The following NEO1 variants were observed in gnomAD, a reference collection of about 807,000 sequenced individuals.
NEO1 encodes neogenin 1, also known as neogenin.
NEO1 carries 63 observed loss-of-function variants against 159.7 expected under a neutral mutation model. The ratio of observed to expected loss-of-function variants is 0.39; its 90% CI spans 0.32 to 0.49. NEO1 has a LOEUF of 0.49. Ranked by LOEUF, NEO1 falls within the 20% of genes least tolerant of loss-of-function variation. The pLI, the probability that NEO1 is intolerant of heterozygous loss-of-function variation, is 0.85. For missense variants in NEO1, 1,615 were observed against 1,831.0 expected, an observed-to-expected ratio of 0.88 and a Z score of 2.15; for synonymous variants, 633 against 662.0, an observed-to-expected ratio of 0.96 and a Z score of 0.67.
chr15:73,227,505 A>G (rs558347015), intron 7 of NEO1, among the ~76,000 whole-genome samples: 8 of 152,106 alleles, frequency 5.3e-5, no homozygotes, highest in Non-Finnish European at 7.4e-5. Context: ...CAAACAAACA[A>G]AAAAGCCAGA....
intron 21 of NEO1, among the ~76,000 whole-genome samples, chr15:73,277,168 C>A (rs1465463667): frequency 1.3e-5 from 2 of 152,180 alleles, no homozygotes; most frequent in Non-Finnish European, 2.9e-5. Context: ...GTCTATTAAA[C>A]AATGTGCTAT....
intron 26 of NEO1, among the ~76,000 whole-genome samples, chr15:73,296,129 C>T (rs1258856015): frequency 3.3e-5 from 5 of 152,166 alleles, no homozygotes; most frequent in Admixed American, 6.5e-5. Context: ...TCACCTTTTG[C>T]GCCATCTCTT....
At chr15:73,157,153 T>G (rs2033842606) in intron 5 of NEO1, among the ~76,000 whole-genome samples, 1 of 152,148 alleles carries the variant, frequency 6.6e-6, no homozygotes, top group Non-Finnish European at 1.5e-5. Flanking sequence ...ATCCCAAGCC[T>G]CCATGGCAGC....
intron 1 of NEO1, among the ~76,000 whole-genome samples, chr15:73,115,464 T>C (rs56753901): frequency 0.15 from 23,007 of 152,268 alleles, 2,740 homozygotes; most frequent in African/African-American, 0.33. Context: ...TTTCTTTTCC[T>C]CTGCCAGTGT....
Position 73,225,312 on chromosome 15 carries a change from C to G in NEO1, c.1292-11035C>G, listed in dbSNP as rs144405528. On this transcript the variant is annotated intron_variant, in intron 7 of 28. Transcript: ENST00000261908. ...CCGGGAGTTTGTACTTTCCAGAGAG[C>G]ATCAGCTGTGGTAGTATAGAGAGGA... Among the ~76,000 whole-genome samples, 1,435 of 152,172 alleles carry G rather than the reference C, an allele frequency of 9.4e-3. 29 individuals carry two copies. Among genetic ancestry groups the G allele is most frequent in the African/African-American group, 0.033 (1,365 of 41,494 alleles).
chr15:73,178,162 G>A (rs1416356692), intron 6 of NEO1, 145 bp from the exon 7 acceptor site: 1 of 731,762 alleles, frequency 1.4e-6, no homozygotes, highest in African/African-American at 1.8e-5. Context: ...ATGAAATTGA[G>A]TTAACAAGTA....
chr15:73,287,952 T>A (rs1037168839), intron 23 of NEO1, among the ~76,000 whole-genome samples: 2 of 152,242 alleles, frequency 1.3e-5, no homozygotes, highest in African/African-American at 4.8e-5. Flanking sequence ...TCCATTGTTA[T>A]GTTTCTACAT....
rs888843111 is a variant in NEO1 at position 73,288,357 on chromosome 15, A to G, written c.3455A>G (p.Lys1152Arg). 6.2e-7 allele frequency: 1 copy of G among 1,614,080 alleles called. No individual in the cohort carries two copies. The highest frequency in any genetic ancestry group is 1.3e-5 in the African/African-American group (1 of 74,932). ...TCAGTGAATGGCTCTCATAAGTACAAAGGGAATTCCAAAGATGTGAAACCT... is the reference window on the plus strand; with the variant it reads ...TCAGTGAATGGCTCTCATAAGTACAGAGGGAATTCCAAAGATGTGAAACCT... The part of the protein sequence containing the change: ...CKSVNGSHKY[K>R]GNSKDVKPPD... The change falls in exon 24 of 29, where the codon AAA (lysine) becomes AGA (arginine). Residue 1152 changes from lysine (K) to arginine (R), a missense_variant. Physicochemically the swap from Lys to Arg is conservative, Grantham distance 26. Transcript: ENST00000261908.
intron 7 of NEO1, among the ~76,000 whole-genome samples, chr15:73,222,371 TG>T (rs1186233156): frequency 6.6e-6 from 1 of 151,984 alleles, no homozygotes; most frequent in Non-Finnish European, 1.5e-5. Flanking sequence ...CCCAAAGTCC[TG>T]GGATTACAGG....
intron 9 of NEO1, among the ~76,000 whole-genome samples, chr15:73,244,716 C>T (rs766764712): frequency 1.3e-5 from 2 of 151,690 alleles, no homozygotes; most frequent in Non-Finnish European, 1.5e-5. Flanking sequence ...TTTGGGAGGC[C>T]GAGGCAAGCA....
chr15:73,253,406 G>A lies in NEO1; in HGVS notation c.1901G>A (p.Ser634Asn). 2 of 1,571,186 alleles carry A rather than the reference G, an allele frequency of 1.3e-6. No individual in the cohort carries two copies. The highest frequency in any genetic ancestry group is 2.3e-5 in the East Asian group (1 of 44,382). Reference sequence around the variant, plus strand: ...TTTTTTTTTGTTTCTCTAGTTCCCAGTGCTGCTCCTCAGAATCTGTCCTTG... The same window carrying A: ...TTTTTTTTTGTTTCTCTAGTTCCCAATGCTGCTCCTCAGAATCTGTCCTTG... ...VAVRTLSDVP[S>N]AAPQNLSLEV... The change falls in exon 12 of 29, where the codon AGT becomes AAT. Residue 634 changes from serine (S) to asparagine (N), a missense_variant. Physicochemically the swap from Ser to Asn is conservative, Grantham distance 46 (BLOSUM62 1). This residue lies in a region of NEO1 where 1,018 missense variants were observed against 1,115.4 expected (regional missense o/e 0.91). Coordinates refer to ENST00000261908, the MANE Select transcript of NEO1 (RefSeq NM_002499.4).
chr15:73,101,262 G>T (rs1332949107), intron 1 of NEO1, among the ~76,000 whole-genome samples: 1 of 152,168 alleles, frequency 6.6e-6, no homozygotes, highest in East Asian at 1.9e-4. Flanking sequence ...AATATCTTAG[G>T]ATTTTCCAGG....
intron 5 of NEO1, chr15:73,162,587 C>T (rs1350133316): frequency 2.0e-5 from 3 of 153,514 alleles, no homozygotes; most frequent in African/African-American, 7.3e-5. Flanking sequence ...TTTTAGTAGA[C>T]TGGGTTTAAT....
Position 73,135,883 on chromosome 15 carries a change from T to TTAA in NEO1, c.879-8_879-7insTAA. 1.4e-6 allele frequency: 2 copies of TTAA among 1,428,442 alleles called. No homozygotes were observed. 88.5% of individuals were successfully genotyped at this position (1,428,442 alleles called of 1,614,324 possible). A position where few individuals can be genotyped will look rare whatever the true frequency, so the allele number is the denominator to read the frequency against. On this transcript the variant is annotated splice_polypyrimidine_tract_variant and splice_region_variant and intron_variant, in intron 4 of 28. Coordinates refer to ENST00000261908, the MANE Select transcript of NEO1 (RefSeq NM_002499.4). ...TGTATCTTTTTTTTTTTTTTTTTTT[T>TTAA]AACACAGCTCTGAAAGATTGGTATT...
intron 7 of NEO1, among the ~76,000 whole-genome samples, chr15:73,182,447 C>G (rs536535703): frequency 6.6e-6 from 1 of 152,272 alleles, no homozygotes; most frequent in South Asian, 2.1e-4. Context: ...CACAGGTTCT[C>G]TTGAGCCCAG....
At chr15:73,126,356 C>T (rs1454390619) in intron 3 of NEO1, 61 bp from the exon 4 acceptor site, 1 of 1,454,534 alleles carries the variant, frequency 6.9e-7, no homozygotes, top group African/African-American at 1.4e-5. Context: ...GGGTGTGAGC[C>T]ACCATGTCCA....
intron 1 of NEO1, among the ~76,000 whole-genome samples, chr15:73,057,501 T>C (rs1192985087): frequency 6.6e-6 from 1 of 152,176 alleles, no homozygotes; most frequent in African/African-American, 2.4e-5. Context: ...GAAATGACTG[T>C]AGGTAAGATC....
At chr15:73,221,224 G>A (rs2038236164) in intron 7 of NEO1, among the ~76,000 whole-genome samples, 1 of 152,244 alleles carries the variant, frequency 6.6e-6, no homozygotes, top group African/African-American at 2.4e-5. Context: ...ATCAGCAGCA[G>A]TGTCTGCAGA....
chr15:73,134,713 C>A (rs2031550748), intron 4 of NEO1, among the ~76,000 whole-genome samples: 1 of 152,034 alleles, frequency 6.6e-6, no homozygotes, highest in Non-Finnish European at 1.5e-5. Flanking sequence ...CCACGCCTGG[C>A]TAATTTTTGT....
Sources: gnomAD v4.1 joint callset for allele counts (sites outside exome capture counted in the v4.1 genomes callset) on GRCh38, gnomAD v4.1.1 for gene constraint, gnomAD v4.1.1 regional missense constraint, MANE v1.5 for transcripts, NCBI Gene and HGNC (gene_info 2026-07-23, HGNC 2026-07-21) for gene names.